Variants in EVA1C observed in about 807,000 individuals in gnomAD.
EVA1C encodes eva-1 homolog C, also known as protein eva-1 homolog C.
In EVA1C, 25 loss-of-function variants were observed where a neutral mutation model predicts 45.4. The ratio of observed to expected loss-of-function variants is 0.55; its 90% confidence interval spans 0.40 to 0.77. The LOEUF is 0.77. Among genes scored for constraint, EVA1C ranks in the 30% least tolerant of loss-of-function variants. The pLI, the probability that EVA1C is intolerant of heterozygous loss-of-function variation, is 0.00. For synonymous variants in EVA1C, 190 were observed against 221.2 expected (o/e 0.86, Z 1.25); for missense variants, 479 against 554.8 (o/e 0.86, Z 1.37).
chr21:32,420,870 C>A (rs1350558211), intron 1 of EVA1C, among the ~76,000 whole-genome samples: 1 of 152,200 alleles, frequency 6.6e-6, no homozygotes, highest in Non-Finnish European at 1.5e-5. Flanking sequence ...ATCCAGGTAG[C>A]CTTTCTAATA....
chr21:32,435,700 C>A (rs1202697916), intron 1 of EVA1C, among the ~76,000 whole-genome samples: 1 of 152,288 alleles, frequency 6.6e-6, no homozygotes, highest in Non-Finnish European at 1.5e-5. Flanking sequence ...TTGCAAGGCC[C>A]AGTGCAAGAT....
chr21:32,481,937 AGC>A (rs1271939033), intron 4 of EVA1C, among the ~76,000 whole-genome samples: 1 of 152,174 alleles, frequency 6.6e-6, no homozygotes, highest in Admixed American at 6.6e-5. Context: ...GAGCAAAGAG[AGC>A]ATGTAATTTA....
intron 1 of EVA1C, among the ~76,000 whole-genome samples, chr21:32,431,225 C>G (rs920977083): frequency 1.3e-5 from 2 of 152,324 alleles, no homozygotes; most frequent in African/African-American, 4.8e-5. Context: ...CTGAGAAAAC[C>G]CAGGCTTGGC....
chr21:32,434,461 G>A (rs1406124278), intron 1 of EVA1C, among the ~76,000 whole-genome samples: 1 of 151,484 alleles, frequency 6.6e-6, no homozygotes, highest in Admixed American at 6.6e-5. Context: ...CATGGTGGTG[G>A]GCACCTGTAG....
chr21:32,503,549 A>AAAATAAATAAATAAATAAATAAATAAAT (rs60401587), intron 6 of EVA1C, among the ~76,000 whole-genome samples: 13,609 of 148,746 alleles, frequency 0.091, 799 homozygotes, highest in Middle Eastern at 0.16. Flanking sequence ...CTCCATCTCA[A>AAAATAAATAAATAAATAAATAAATAAAT]AAATAAATAA....
intron 1 of EVA1C, among the ~76,000 whole-genome samples, chr21:32,428,105 G>A (rs1174120222): frequency 6.6e-6 from 1 of 152,092 alleles, no homozygotes; most frequent in African/African-American, 2.4e-5. Flanking sequence ...TCTGAACTGT[G>A]AATAGATGAT....
intron 5 of EVA1C, among the ~76,000 whole-genome samples, chr21:32,496,474 C>T (rs1220846675): frequency 3.9e-5 from 6 of 152,142 alleles, no homozygotes; most frequent in Admixed American, 3.9e-4. Context: ...AATAATGGCA[C>T]CCACTCTTAC....
intron 4 of EVA1C, among the ~76,000 whole-genome samples, chr21:32,490,099 C>T (rs1014502012): frequency 7.2e-5 from 11 of 152,240 alleles, no homozygotes; most frequent in East Asian, 1.9e-4. Flanking sequence ...CCACCATGCC[C>T]GGCCTACCAC....
intron 1 of EVA1C, among the ~76,000 whole-genome samples, chr21:32,433,436 G>A (rs552222421): frequency 6.6e-6 from 1 of 152,162 alleles, no homozygotes; most frequent in Non-Finnish European, 1.5e-5. Flanking sequence ...GCTGCCATCA[G>A]TATTTCTACC....
chr21:32,436,334 T>C (rs2034951018), intron 1 of EVA1C, among the ~76,000 whole-genome samples: 1 of 152,202 alleles, frequency 6.6e-6, no homozygotes, highest in Admixed American at 6.5e-5. Context: ...AATGCTGGGA[T>C]TACAGACATG....
At chr21:32,508,713 T>C (rs1339603446) in intron 7 of EVA1C, among the ~76,000 whole-genome samples, 1 of 152,190 alleles carries the variant, frequency 6.6e-6, no homozygotes, top group African/African-American at 2.4e-5. Flanking sequence ...GCCTCGATCC[T>C]CTCAACAGCA....
At chr21:32,491,712 G>A (rs115061632) in intron 4 of EVA1C, among the ~76,000 whole-genome samples, 2,327 of 147,432 alleles carry the variant, frequency 0.016, 76 homozygotes, top group African/African-American at 0.054. Flanking sequence ...AAAAAGCACA[G>A]TGGAGGGCAA....
chr21:32,413,033 C>G lies in EVA1C; in HGVS notation c.160+20C>G. Reference sequence around the variant, plus strand: ...TCTCTGGTAAGAGCGCCCTCCCTGGCTGTGTGCCCCCGGCACCGCGGAGCG... The same window carrying G: ...TCTCTGGTAAGAGCGCCCTCCCTGGGTGTGTGCCCCCGGCACCGCGGAGCG... On this transcript the variant is annotated intron_variant, in intron 1 of 7. Transcript: ENST00000300255. The G allele has an allele frequency of 7.2e-7, 1 of 1,380,140 alleles. No individual in the cohort carries two copies. The highest frequency in any genetic ancestry group is 1.8e-5 in the South Asian group (1 of 54,474). The allele number at this position is 1,380,140 out of a possible 1,614,324, so 85.5% of individuals were successfully genotyped here. A position where few individuals can be genotyped will look rare whatever the true frequency, so the allele number is the denominator to read the frequency against.
chr21:32,442,129 A>C (rs2035199187), intron 1 of EVA1C, among the ~76,000 whole-genome samples: 1 of 152,174 alleles, frequency 6.6e-6, no homozygotes, highest in South Asian at 2.1e-4. Context: ...CTCGGGAAGA[A>C]AATATATTGT....
intron 6 of EVA1C, among the ~76,000 whole-genome samples, chr21:32,502,028 CTTTCTTTCTTTCTT>C (rs1434369588): frequency 1.6e-5 from 2 of 123,244 alleles, no homozygotes; most frequent in African/African-American, 6.7e-5. Flanking sequence ...TTCTTTCTTT[CTTTCTTTCTTTCTT>C]TCTTTCTTTC....
intron 1 of EVA1C, among the ~76,000 whole-genome samples, chr21:32,415,649 G>GC (rs1236258051): frequency 7.9e-5 from 12 of 152,024 alleles, no homozygotes; most frequent in African/African-American, 2.2e-4. Flanking sequence ...CAGCATCATG[G>GC]CCCCCTCCTC....
chr21:32,451,394 T>C (rs2035574314), intron 1 of EVA1C, among the ~76,000 whole-genome samples: 1 of 152,154 alleles, frequency 6.6e-6, no homozygotes, highest in Non-Finnish European at 1.5e-5. Context: ...ATCTACATTC[T>C]GGATGAACCT....
intron 1 of EVA1C, among the ~76,000 whole-genome samples, chr21:32,430,911 T>C (rs887313530): frequency 7.0e-5 from 10 of 143,378 alleles, no homozygotes; most frequent in African/African-American, 2.7e-4. Context: ...AGGCGGAGGT[T>C]GCAGTGAGCT....
In EVA1C at chr21:32,457,452, C is replaced by T. The variant is rs570347181; in HGVS notation, c.358-145C>T. 1,482 of 841,510 alleles carry T rather than the reference C, an allele frequency of 1.8e-3. 6 individuals are homozygous for T. The highest frequency in any genetic ancestry group is 3.7e-3 in the South Asian group (237 of 63,890). 52.1% of individuals were successfully genotyped at this position (841,510 alleles called of 1,614,324 possible). Reference sequence around the variant, plus strand: ...GACAGGGAGCTAACCCAATCACCCACGTCTATGCTCTTTGGCCTTAGACAC... The same window carrying T: ...GACAGGGAGCTAACCCAATCACCCATGTCTATGCTCTTTGGCCTTAGACAC... On this transcript the variant is annotated intron_variant, in intron 2 of 7. Transcript: ENST00000300255.
Sources: gnomAD v4.1 joint callset for allele counts (sites outside exome capture counted in the v4.1 genomes callset) on GRCh38, gnomAD v4.1.1 for gene constraint, MANE v1.5 for transcripts, NCBI Gene and HGNC (gene_info 2026-07-23, HGNC 2026-07-21) for gene names.